Variants in DDAH1 observed in about 807,000 individuals in gnomAD.
DDAH1 encodes the protein dimethylarginine dimethylaminohydrolase 1, also known as N(G),N(G)-dimethylarginine dimethylaminohydrolase 1.
DDAH1 carries 19 observed loss-of-function variants against 28.8 expected under a neutral mutation model. That is an observed-to-expected ratio of 0.66 (90% CI 0.46 to 0.97). The LOEUF (loss-of-function observed/expected upper bound fraction) is 0.97. DDAH1 is among the 50% of genes least tolerant of loss of function. DDAH1 has a pLI of 0.00. For missense variants in DDAH1, 326 were observed against 375.9 expected (o/e 0.87, Z 1.10); for synonymous variants, 153 against 154.4 (o/e 0.99, Z 0.07).
intron 1 of DDAH1, among the ~76,000 whole-genome samples, chr1:85,381,674 T>C (rs1651000744): frequency 6.6e-6 from 1 of 152,198 alleles, no homozygotes; most frequent in South Asian, 2.1e-4. Flanking sequence ...GTTACAAGCA[T>C]ACCTTGTTTT....
rs190403808 is a variant in DDAH1, at chr1:85,428,265, A to C, written c.303+36478T>G. The stretch of plus-strand genomic sequence containing the variant: ...AGACATACTTGAGACTGGGTAATTT[A>C]CAAAGGAAAGAGGTTTAATGGACTC... On this transcript the variant is annotated intron_variant, in intron 1 of 5. Coordinates refer to ENST00000284031, the MANE Select transcript of DDAH1 (RefSeq NM_012137.4). Among the ~76,000 whole-genome samples the C allele has an allele frequency of 7.7e-4, 118 of 152,332 alleles. 1 individual carries two copies. The highest frequency in any genetic ancestry group is 1.5e-3 in the Non-Finnish European group (102 of 68,034).
intron 1 of DDAH1, among the ~76,000 whole-genome samples, chr1:85,551,412 A>G (rs1046759080): frequency 6.6e-6 from 1 of 152,244 alleles, no homozygotes; most frequent in Non-Finnish European, 1.5e-5. Flanking sequence ...ACAGAAACCC[A>G]GCTTCTTCTG....
chr1:85,498,597 G>T (rs907757917), intron 1 of DDAH1, among the ~76,000 whole-genome samples: 2 of 152,110 alleles, frequency 1.3e-5, no homozygotes, highest in African/African-American at 4.8e-5. Context: ...TAGTTTTCAA[G>T]CCAATAGAGG....
chr1:85,401,157 A>G (rs1295344744), intron 1 of DDAH1, among the ~76,000 whole-genome samples: 1 of 152,222 alleles, frequency 6.6e-6, no homozygotes, highest in Admixed American at 6.5e-5. Context: ...TGCTGCTCAA[A>G]TGTAGCTTTC....
At chr1:85,480,498 A>G (rs1224308555) in intron 2 of DDAH1, among the ~76,000 whole-genome samples, 4 of 152,154 alleles carry the variant, frequency 2.6e-5, no homozygotes, top group African/African-American at 9.7e-5. Flanking sequence ...TAATCCCAGC[A>G]CTTTGGGAGG....
At chr1:85,414,818 T>C (rs1652815703) in intron 1 of DDAH1, among the ~76,000 whole-genome samples, 1 of 151,906 alleles carries the variant, frequency 6.6e-6, no homozygotes, top group Non-Finnish European at 1.5e-5. Flanking sequence ...CAAACAACAT[T>C]TGATGAATGA....
chr1:85,402,220 T>C (rs1400447462), intron 1 of DDAH1, among the ~76,000 whole-genome samples: 1 of 151,396 alleles, frequency 6.6e-6, no homozygotes, highest in East Asian at 1.9e-4. Context: ...CAGGCTTATC[T>C]TGAACTTTTA....
chr1:85,363,639 T>C (rs1649903466), intron 1 of DDAH1, among the ~76,000 whole-genome samples: 1 of 152,228 alleles, frequency 6.6e-6, no homozygotes, highest in Admixed American at 6.5e-5. Context: ...TTCAAGAAGC[T>C]GTCTTGGCAC....
exon 2 of DDAH1, chr1:85,496,242 T>A: frequency 2.0e-6 from 2 of 985,214 alleles, no homozygotes; most frequent in South Asian, 9.4e-5. Context: ...TGAAAAGTCT[T>A]GGCCAAAGTT....
upstream of DDAH1, among the ~76,000 whole-genome samples, chr1:85,465,768 C>A (rs1655357766): frequency 6.6e-6 from 1 of 152,102 alleles, no homozygotes; most frequent in South Asian, 2.1e-4. Context: ...TCCTCTACCC[C>A]CCACCCTAAA....
chr1:85,507,572 A>G (rs563503052), intron 1 of DDAH1, among the ~76,000 whole-genome samples: 6 of 150,134 alleles, frequency 4.0e-5, no homozygotes, highest in Admixed American at 2.7e-4. Flanking sequence ...TTTCTTATAC[A>G]TAATTGCAAT....
At chr1:85,472,862 C>A (rs895324198) in intron 2 of DDAH1, among the ~76,000 whole-genome samples, 2 of 152,114 alleles carry the variant, frequency 1.3e-5, no homozygotes, top group Admixed American at 1.3e-4. Context: ...TTCAGCCCTT[C>A]CCACCTCCCC....
intron 1 of DDAH1, among the ~76,000 whole-genome samples, chr1:85,383,543 G>A (rs541544141): frequency 6.6e-6 from 1 of 152,332 alleles, no homozygotes; most frequent in East Asian, 1.9e-4. Flanking sequence ...TTGATTGACA[G>A]AGCAATGGTA....
chr1:85,369,811 G>T (rs1570444203), intron 1 of DDAH1, among the ~76,000 whole-genome samples: 1 of 152,134 alleles, frequency 6.6e-6, no homozygotes, highest in Admixed American at 6.6e-5. Context: ...AAAATGGCTA[G>T]GGTAGTTACT....
At chr1:85,328,262 T>C (rs1239735227) in intron 4 of DDAH1, among the ~76,000 whole-genome samples, 1 of 152,160 alleles carries the variant, frequency 6.6e-6, no homozygotes, top group Non-Finnish European at 1.5e-5. Context: ...CCTAAGGGCA[T>C]TCACAGAAAG....
At chr1:85,389,882 C>G (rs989230539) in intron 1 of DDAH1, among the ~76,000 whole-genome samples, 1 of 152,106 alleles carries the variant, frequency 6.6e-6, no homozygotes, top group Non-Finnish European at 1.5e-5. Context: ...AGTAAAATAT[C>G]AACAATTTCT....
intron 1 of DDAH1, among the ~76,000 whole-genome samples, chr1:85,512,373 A>C (rs1329568100): frequency 6.6e-6 from 1 of 152,234 alleles, no homozygotes; most frequent in Non-Finnish European, 1.5e-5. Context: ...GCTATCTATG[A>C]CAAACCCATA....
chr1:85,479,201 C>T (rs1655909352), intron 2 of DDAH1, among the ~76,000 whole-genome samples: 1 of 110,938 alleles, frequency 9.0e-6, no homozygotes, highest in African/African-American at 3.4e-5. Flanking sequence ...GAGTCTTGCT[C>T]TGTCGCCCAG....
intron 1 of DDAH1, among the ~76,000 whole-genome samples, chr1:85,547,059 C>T (rs1367651478): frequency 6.6e-6 from 1 of 152,102 alleles, no homozygotes. Flanking sequence ...CCAGCTCAAA[C>T]CTTTTTCCCA....
Sources: allele counts gnomAD v4.1 joint callset (sites outside exome capture counted in the v4.1 genomes callset), GRCh38; gene constraint gnomAD v4.1.1; transcripts MANE v1.5; gene names NCBI Gene and HGNC (gene_info 2026-07-23, HGNC 2026-07-21).